PKIB: variants seen among roughly 807,000 people sequenced by gnomAD.
PKIB encodes cAMP-dependent protein kinase inhibitor beta, also known as PKI-beta.
PKIB carries 2 observed loss-of-function variants against 4.5 expected under a neutral mutation model. That is an observed-to-expected ratio of 0.44 (90% CI 0.18 to 1.39). The LOEUF (loss-of-function observed/expected upper bound fraction) is 1.39, where lower values mean the gene tolerates loss of function less well. PKIB is among the 40% of genes most tolerant of loss of function. The pLI, the probability that PKIB is intolerant of heterozygous loss-of-function variation, is 0.27. For synonymous variants in PKIB, 38 were observed against 36.0 expected (o/e 1.06, Z -0.20); for missense variants, 94 against 92.6 (o/e 1.02, Z -0.06).
intron 3 of PKIB, among the ~76,000 whole-genome samples, chr6:122,706,700 C>T (rs1189954634): frequency 2.6e-5 from 4 of 152,102 alleles, no homozygotes; most frequent in Non-Finnish European, 5.9e-5. Context: ...TGTAGAATCA[C>T]ATGAACAAAT....
intron 2 of PKIB, among the ~76,000 whole-genome samples, chr6:122,503,485 G>A (rs560093569): frequency 6.6e-5 from 10 of 152,108 alleles, no homozygotes; most frequent in Non-Finnish European, 1.2e-4. Flanking sequence ...TTATATTTCA[G>A]CGTGACTGAG....
intron 2 of PKIB, among the ~76,000 whole-genome samples, chr6:122,558,352 T>C (rs529174655): frequency 6.6e-6 from 1 of 152,216 alleles, no homozygotes; most frequent in Admixed American, 6.5e-5. Context: ...CCTCAATAGG[T>C]TTAGCAAGTT....
chr6:122,588,974 A>G (rs765962604), intron 3 of PKIB, among the ~76,000 whole-genome samples: 1 of 152,172 alleles, frequency 6.6e-6, no homozygotes, highest in Non-Finnish European at 1.5e-5. Flanking sequence ...CCAAACTGAT[A>G]GACTTCCTAT....
intron 1 of PKIB, among the ~76,000 whole-genome samples, chr6:122,621,315 A>G (rs1775218330): frequency 6.6e-6 from 1 of 152,220 alleles, no homozygotes. Flanking sequence ...TTAATAAATT[A>G]TAGTATAAAT....
chr6:122,518,498 C>A (rs763603554), intron 2 of PKIB, among the ~76,000 whole-genome samples: 8 of 151,958 alleles, frequency 5.3e-5, no homozygotes, highest in Non-Finnish European at 1.0e-4. Context: ...CCTGCTTTAG[C>A]TGTAGGTTGT....
intron 2 of PKIB, among the ~76,000 whole-genome samples, chr6:122,585,719 A>G (rs961659946): frequency 3.9e-5 from 6 of 152,132 alleles, no homozygotes; most frequent in Non-Finnish European, 7.4e-5. Flanking sequence ...TTCTGGTCCA[A>G]TGTTCTTTCC....
At position 122,653,819 on chromosome 6, in the gene PKIB, G is replaced by C. The variant is rs113211055; in HGVS notation, c.-76+20452G>C. On this transcript the variant is annotated intron_variant, in intron 2 of 4. Transcript: ENST00000368452. Reference sequence around the variant, plus strand: ...CTACTAAAAGTACAAAAATTAGCTGGGCATGGTGACGCACTGTAGTCCCAA... The same window carrying C: ...CTACTAAAAGTACAAAAATTAGCTGCGCATGGTGACGCACTGTAGTCCCAA... Among the ~76,000 whole-genome samples the C allele has an allele frequency of 3.7e-3, 564 of 152,078 alleles. 2 individuals carry two copies. The highest frequency in any genetic ancestry group is 0.013 in the African/African-American group (525 of 41,480).
intron 3 of PKIB, among the ~76,000 whole-genome samples, chr6:122,679,644 G>A (rs923391882): frequency 4.6e-5 from 7 of 152,158 alleles, no homozygotes; most frequent in Non-Finnish European, 5.9e-5. Context: ...TGCCTCCTGG[G>A]TTTCTGGGGT....
intron 2 of PKIB, among the ~76,000 whole-genome samples, chr6:122,495,635 C>G (rs545052383): frequency 1.3e-5 from 2 of 152,282 alleles, no homozygotes; most frequent in East Asian, 3.9e-4. Context: ...CAGCTGGCAT[C>G]TGGCCGATTC....
At chr6:122,718,054 A>C (rs1347810189) in intron 4 of PKIB, 91 bp downstream of exon 4, 1 of 1,341,960 alleles carries the variant, frequency 7.5e-7, no homozygotes, top group Non-Finnish European at 1.0e-6. Flanking sequence ...TCTAGTTAAA[A>C]GTGCTCAGTT....
intron 2 of PKIB, among the ~76,000 whole-genome samples, chr6:122,495,558 CAT>C (rs1230323677): frequency 6.6e-6 from 1 of 152,092 alleles, no homozygotes; most frequent in African/African-American, 2.4e-5. Flanking sequence ...CTTCAGGAGT[CAT>C]ATATGCTATC....
At chr6:122,530,820 G>A (rs1777234536) in intron 2 of PKIB, among the ~76,000 whole-genome samples, 1 of 152,224 alleles carries the variant, frequency 6.6e-6, no homozygotes, top group Admixed American at 6.5e-5. Context: ...GCCCCAATAT[G>A]GGAGAGGAGT....
chr6:122,534,257 A>C (rs934569961), intron 2 of PKIB, among the ~76,000 whole-genome samples: 3 of 151,770 alleles, frequency 2.0e-5, no homozygotes, highest in Admixed American at 1.3e-4. Flanking sequence ...ACCACAGCAC[A>C]GGGAGATGGA....
intron 2 of PKIB, among the ~76,000 whole-genome samples, chr6:122,553,405 T>C (rs1405691916): frequency 6.6e-6 from 1 of 150,854 alleles, no homozygotes; most frequent in Non-Finnish European, 1.5e-5. Context: ...CTTAAATGCA[T>C]GCAGTTTCCT....
At chr6:122,679,167 C>T (rs1033126896) in intron 3 of PKIB, among the ~76,000 whole-genome samples, 2 of 152,190 alleles carry the variant, frequency 1.3e-5, no homozygotes, top group Non-Finnish European at 2.9e-5. Flanking sequence ...GAAGAGAAGC[C>T]TTGGAGGAAG....
intron 4 of PKIB, among the ~76,000 whole-genome samples, chr6:122,724,270 G>T (rs1779857045): frequency 6.6e-6 from 1 of 152,146 alleles, no homozygotes; most frequent in Non-Finnish European, 1.5e-5. Context: ...GAAGAGCGCA[G>T]ATGATTATTA....
intron 4 of PKIB, among the ~76,000 whole-genome samples, chr6:122,721,222 C>G: frequency 6.6e-6 from 1 of 152,164 alleles, no homozygotes; most frequent in Admixed American, 6.5e-5. Context: ...CTTGCCCAAG[C>G]TCACAAAAAT....
chr6:122,594,589 G>A (rs1229103620), intron 3 of PKIB, among the ~76,000 whole-genome samples: 5 of 152,160 alleles, frequency 3.3e-5, no homozygotes, highest in Non-Finnish European at 5.9e-5. Flanking sequence ...TACAGTTCTC[G>A]TTTCTGCAGC....
intron 1 of PKIB, among the ~76,000 whole-genome samples, chr6:122,629,762 A>T (rs1775616968): frequency 6.6e-6 from 1 of 152,220 alleles, no homozygotes; most frequent in African/African-American, 2.4e-5. Flanking sequence ...TAATCATGAG[A>T]AAAACACCAG....
Sources: gnomAD v4.1 joint callset for allele counts (sites outside exome capture counted in the v4.1 genomes callset) on GRCh38, gnomAD v4.1.1 for gene constraint, MANE v1.5 for transcripts, NCBI Gene and HGNC (gene_info 2026-07-23, HGNC 2026-07-21) for gene names.